PARD3B: variants seen among roughly 807,000 people sequenced by gnomAD.
PARD3B encodes the protein partitioning defective 3 homolog B.
In PARD3B, 103 loss-of-function variants were observed where a neutral mutation model predicts 130.2. The observed-to-expected ratio is 0.79, with a 90% CI of 0.67 to 0.93. PARD3B has a LOEUF of 0.93. PARD3B is among the 40% of genes least tolerant of loss of function. PARD3B has a pLI of 0.00. For synonymous variants in PARD3B, 583 were observed against 553.2 expected (o/e 1.05, Z -0.76); for missense variants, 1,609 against 1,499.2 (o/e 1.07, Z -1.21).
chr2:204,937,875 G>A (rs1183664716), intron 2 of PARD3B, among the ~76,000 whole-genome samples: 1 of 152,158 alleles, frequency 6.6e-6, no homozygotes, highest in Admixed American at 6.6e-5. Flanking sequence ...ACTATGAACA[G>A]TTTTAGTTTT....
At chr2:204,798,663 A>G (rs2042459413) in intron 2 of PARD3B, among the ~76,000 whole-genome samples, 1 of 151,992 alleles carries the variant, frequency 6.6e-6, no homozygotes, top group Non-Finnish European at 1.5e-5. Context: ...GGGGAGAGTA[A>G]AGAGGACTTT....
intron 22 of PARD3B, among the ~76,000 whole-genome samples, chr2:205,582,257 T>C (rs1305757008): frequency 6.6e-6 from 1 of 152,214 alleles, no homozygotes; most frequent in Non-Finnish European, 1.5e-5. Context: ...GTGGGCATTC[T>C]CTACAGTTAA....
chr2:204,935,656 G>A (rs1016878535), intron 2 of PARD3B, among the ~76,000 whole-genome samples: 1 of 151,914 alleles, frequency 6.6e-6, no homozygotes, highest in Non-Finnish European at 1.5e-5. Flanking sequence ...CTTTTAAAAA[G>A]TATTTTGTCA....
In PARD3B at chr2:204,623,950, C is replaced by A. The variant is rs1336880153; in HGVS notation, c.121-62231C>A. Among the ~76,000 whole-genome samples the A allele has an allele frequency of 6.6e-6, 1 of 152,140 alleles. No individual in the cohort carries two copies. The highest frequency in any genetic ancestry group is 2.4e-5 in the African/African-American group (1 of 41,450). On this transcript the variant is annotated intron_variant, in intron 1 of 22. Coordinates refer to ENST00000406610, the MANE Select transcript of PARD3B (RefSeq NM_001302769.2). This position sits in a 1 kb window ranked among gnomAD's most constrained non-coding sequence, Gnocchi z 4.5. ...CTTATTTTGCATACCATAATGTCTA[C>A]AGTTCTGTCCATGTCATTGGCAGGA...
rs372421853 is a variant in PARD3B, at chr2:204,593,210, AT to A, written c.120+47092del. ...GACAACTGTGGAGTCAAGGGCTACTATAACAGGTCTTGCACAAAATCCAATC... is the reference window on the plus strand; with the variant it reads ...GACAACTGTGGAGTCAAGGGCTACTAAACAGGTCTTGCACAAAATCCAATC... On this transcript the variant is annotated intron_variant, in intron 1 of 22. Transcript: ENST00000406610. Among the ~76,000 whole-genome samples the A allele has an allele frequency of 6.5e-4, 99 of 152,316 alleles. No individual in the cohort carries two copies. In the East Asian group the frequency reaches 0.019, roughly 29 times the overall value.
chr2:204,614,010 T>C (rs909242589), intron 1 of PARD3B, among the ~76,000 whole-genome samples: 1 of 152,134 alleles, frequency 6.6e-6, no homozygotes, highest in Non-Finnish European at 1.5e-5. Flanking sequence ...ATTCTGTGTC[T>C]TGTTGGGCCC....
At chr2:205,578,945 T>C (rs929123027) in intron 22 of PARD3B, among the ~76,000 whole-genome samples, 2 of 152,238 alleles carry the variant, frequency 1.3e-5, no homozygotes, top group Non-Finnish European at 2.9e-5. Context: ...AGCTAGATAG[T>C]AGGTATTTGG....
chr2:204,765,366 CTT>C (rs1464267836), intron 2 of PARD3B, among the ~76,000 whole-genome samples: 1 of 152,170 alleles, frequency 6.6e-6, no homozygotes, highest in Non-Finnish European at 1.5e-5. Flanking sequence ...GAGAACCACT[CTT>C]CTGCTGAATC....
In PARD3B at chr2:205,480,756, A is replaced by G. The variant is rs563070026; in HGVS notation, c.3045-19140A>G. 2.6e-4 allele frequency among the ~76,000 whole-genome samples: 39 copies of G among 152,262 alleles called. 1 individual carries two copies. The East Asian group carries it at 7.3e-3, about 29-fold the overall frequency. On this transcript the variant is annotated intron_variant, in intron 20 of 22. Transcript: ENST00000406610. ...TCTGTTCTTGTGGTGGAAGGCAGAC[A>G]TGGAGAAGTGAGAATTGATAGATAA...
chr2:204,628,432 T>C (rs1315344469), intron 1 of PARD3B, among the ~76,000 whole-genome samples: 1 of 152,142 alleles, frequency 6.6e-6, no homozygotes, highest in Non-Finnish European at 1.5e-5. Flanking sequence ...TGTAAATGCA[T>C]AAATTTAAAG....
chr2:204,961,279 G>A (rs991627416), intron 2 of PARD3B, among the ~76,000 whole-genome samples: 1 of 152,106 alleles, frequency 6.6e-6, no homozygotes, highest in Non-Finnish European at 1.5e-5. Context: ...ACTAGTCAGG[G>A]GGCTGTTAAG....
rs548526912 is a variant in PARD3B at position 205,187,330 on chromosome 2, C to G, written c.2024+1467C>G. ...GGAGCTGATCAGCCAGATGATAAAG[C>G]CCAGAGTGCAAGAATAAGGTATGCA... On this transcript the variant is annotated intron_variant, in intron 14 of 22. Coordinates refer to ENST00000406610, the MANE Select transcript of PARD3B (RefSeq NM_001302769.2). The surrounding 1 kb of genome is among the most constrained non-coding windows in gnomAD (Gnocchi z 4.9). Among the ~76,000 whole-genome samples, 1 of 152,226 alleles carries G rather than the reference C, an allele frequency of 6.6e-6. No individual in the cohort carries two copies. Among genetic ancestry groups the G allele is most frequent in the East Asian group, 1.9e-4 (1 of 5,178 alleles).
At position 205,473,271 on chromosome 2, in the gene PARD3B, C is replaced by T. The variant is rs1191698812; in HGVS notation, c.3045-26625C>T. On this transcript the variant is annotated intron_variant, in intron 20 of 22. Coordinates refer to ENST00000406610, the MANE Select transcript of PARD3B (RefSeq NM_001302769.2). The surrounding 1 kb of genome is among the most constrained non-coding windows in gnomAD (Gnocchi z 4.9). ...GATTTCATAAATTTAGCATATTACG[C>T]ATTGCAGCATTCTGCCTTTCATATC... Among the ~76,000 whole-genome samples, 8 of 152,112 alleles carry T rather than the reference C, an allele frequency of 5.3e-5. No homozygotes were observed. The highest frequency in any genetic ancestry group is 1.4e-4 in the African/African-American group (6 of 41,420).
intron 21 of PARD3B, among the ~76,000 whole-genome samples, chr2:205,512,143 C>CGAT (rs753918806): frequency 5.3e-5 from 8 of 152,222 alleles, no homozygotes; most frequent in Admixed American, 1.3e-4. Context: ...CTTTTGAATA[C>CGAT]GATTGTAACG....
At chr2:205,087,339 C>T (rs797009527) in intron 4 of PARD3B, among the ~76,000 whole-genome samples, 2 of 152,168 alleles carry the variant, frequency 1.3e-5, no homozygotes, top group African/African-American at 4.8e-5. Context: ...ATATAATGTA[C>T]TTTCCATAAA....
At chr2:205,578,022 G>A (rs551607136) in intron 22 of PARD3B, among the ~76,000 whole-genome samples, 1 of 152,236 alleles carries the variant, frequency 6.6e-6, no homozygotes, top group East Asian at 1.9e-4. Flanking sequence ...TATGGAGCTC[G>A]CCTCACTGGA....
chr2:205,049,825 T>C (rs1699065244), intron 4 of PARD3B, among the ~76,000 whole-genome samples: 1 of 152,182 alleles, frequency 6.6e-6, no homozygotes, highest in Admixed American at 6.6e-5. Context: ...GCTGAGTCCC[T>C]GTGTATCAAC....
At chr2:204,681,344 C>G (rs1328366214) in intron 1 of PARD3B, among the ~76,000 whole-genome samples, 2 of 152,042 alleles carry the variant, frequency 1.3e-5, no homozygotes, top group Non-Finnish European at 1.5e-5. Flanking sequence ...GTTTATAATT[C>G]TATTGGACTT....
At chr2:204,896,621 T>C (rs1038167411) in intron 2 of PARD3B, among the ~76,000 whole-genome samples, 3 of 152,346 alleles carry the variant, frequency 2.0e-5, no homozygotes, top group Admixed American at 2.0e-4. Flanking sequence ...GCTTAATAAA[T>C]GTTAGCAATT....
Sources: gnomAD v4.1 joint callset for allele counts (sites outside exome capture counted in the v4.1 genomes callset) on GRCh38, gnomAD v4.1.1 for gene constraint, Gnocchi (gnomAD v3.1) non-coding constraint, MANE v1.5 for transcripts, NCBI Gene and HGNC (gene_info 2026-07-23, HGNC 2026-07-21) for gene names.